Variants in SDAD1 observed in about 807,000 individuals in gnomAD.
SDAD1 encodes protein SDA1 homolog.
In SDAD1, 79 loss-of-function variants were observed where a neutral mutation model predicts 100.3. The observed-to-expected ratio is 0.79, with a 90% CI of 0.66 to 0.95. The LOEUF (loss-of-function observed/expected upper bound fraction) is 0.95. Ranked by LOEUF, SDAD1 falls within the 40% of genes least tolerant of loss-of-function variation. The probability of loss-of-function intolerance (pLI) is 0.00; values close to 1 mark genes in which losing one functional copy is unlikely to be tolerated. For synonymous variants in SDAD1, 267 were observed against 271.4 expected, an observed-to-expected ratio of 0.98 and a Z score of 0.16; for missense variants, 790 against 810.9, an observed-to-expected ratio of 0.97 and a Z score of 0.31.
At chr4:75,960,302 G>GCAAGACCCT in intron 16 of SDAD1, 110 bp from the exon 17 acceptor site, 1 of 1,045,726 alleles carries the variant, frequency 9.6e-7, no homozygotes, top group Non-Finnish European at 1.3e-6. Flanking sequence ...TTGAAGACAG[G>GCAAGACCCT]GTCTTGCTCT....
Position 75,990,903 on chromosome 4 carries a change from G to A in SDAD1, c.-62C>T. 2 of 1,594,726 alleles carry A rather than the reference G, an allele frequency of 1.3e-6. No individual in the cohort carries two copies. The highest frequency in any genetic ancestry group is 1.7e-6 in the Non-Finnish European group (2 of 1,164,704). ...AAAAAACTCAGACGGCCGGCACCCC[G>A]CAATCCCTGCCAGCTGCAGCTTGGA... is the stretch of plus-strand genomic sequence containing the variant. On this transcript the variant is annotated 5_prime_UTR_variant, in exon 1 of 22. Transcript: ENST00000356260.
chr4:75,986,806 T>G (rs1284705539), intron 1 of SDAD1, among the ~76,000 whole-genome samples: 1 of 152,166 alleles, frequency 6.6e-6, no homozygotes, highest in East Asian at 1.9e-4. Flanking sequence ...GCAGAAAGAT[T>G]GCATGGTTTC....
rs146413598 is a variant in SDAD1, at chr4:75,957,689, A to C, written c.1598T>G (p.Met533Arg). The C allele has an allele frequency of 3.9e-4, 633 of 1,614,208 alleles. 9 individuals carry two copies. In the South Asian group the frequency reaches 5.1e-3, roughly 13 times the overall value. ...QQEISKKLNSMPMEERKAKAA... is the reference protein window; with the variant it reads ...QQEISKKLNSRPMEERKAKAA... ...TTTGGCCTTCCGCTCCTCCATGGGC[A>C]TGCTGTTCAGCTTCTTGGACTTGAA... Residue 533 changes from methionine (M) to arginine (R), a missense_variant, in exon 19 of 22, where the codon ATG becomes AGG. By Grantham distance (91) the Met-to-Arg change is moderately conservative. Coordinates refer to ENST00000356260, the MANE Select transcript of SDAD1 (RefSeq NM_018115.4).
At position 75,980,773 on chromosome 4, in the gene SDAD1, T is replaced by A. The variant is rs532088497; in HGVS notation, c.294+599A>T. 2.0e-5 allele frequency: 3 copies of A among 153,606 alleles called. No individual in the cohort carries two copies. The South Asian group carries it at 6.1e-4, about 31-fold the overall frequency. 9.5% of individuals were successfully genotyped at this position (153,606 alleles called of 1,614,324 possible). On this transcript the variant is annotated intron_variant, in intron 3 of 21. Coordinates refer to ENST00000356260, the MANE Select transcript of SDAD1 (RefSeq NM_018115.4). ...TGGGCTACTAGGGTAGGAGGACACC[T>A]CCCAGGCACTAGGACTCCGATTTAG...
At chr4:75,973,447 A>C (rs1729980975) in intron 7 of SDAD1, 56 bp from the exon 8 acceptor site, 2 of 1,285,314 alleles carry the variant, frequency 1.6e-6, no homozygotes, top group African/African-American at 1.5e-5. Context: ...ATAAAGAATA[A>C]ATCCTTTTGA....
At chr4:75,990,601 C>T in intron 1 of SDAD1, 151 bp downstream of exon 1, 1 of 1,552,484 alleles carries the variant, frequency 6.4e-7, no homozygotes, top group Non-Finnish European at 8.8e-7. Context: ...CATGTCCCGT[C>T]CCCAACCCCT....
At chr4:75,961,737 T>C (rs560135569) in intron 14 of SDAD1, among the ~76,000 whole-genome samples, 32 of 152,336 alleles carry the variant, frequency 2.1e-4, no homozygotes, top group African/African-American at 7.7e-4. Context: ...ATTAAGTGTT[T>C]TTTAATCAAC....
At chr4:75,986,536 C>T (rs1377079823) in intron 1 of SDAD1, among the ~76,000 whole-genome samples, 1 of 152,166 alleles carries the variant, frequency 6.6e-6, no homozygotes, top group African/African-American at 2.4e-5. Flanking sequence ...ACTACAAAAG[C>T]TATCAGGCCA....
intron 6 of SDAD1, among the ~76,000 whole-genome samples, chr4:75,974,708 C>CA (rs1730060205): frequency 8.1e-6 from 1 of 123,724 alleles, no homozygotes; most frequent in Non-Finnish European, 1.8e-5. Context: ...GACTTTGTCT[C>CA]AAAAAAACAA....
At position 75,990,916 on chromosome 4, in the gene SDAD1, G is replaced by C. The variant is rs1192993657; in HGVS notation, c.-75C>G. On this transcript the variant is annotated 5_prime_UTR_variant, in exon 1 of 22. Transcript: ENST00000356260. The stretch of plus-strand genomic sequence containing the variant: ...GGCCGGCACCCCGCAATCCCTGCCA[G>C]CTGCAGCTTGGACTCGTGTTTCCGG... The C allele has an allele frequency of 3.8e-6, 6 of 1,571,606 alleles. No individual in the cohort carries two copies. The highest frequency in any genetic ancestry group is 2.2e-5 in the East Asian group (1 of 44,562).
intron 8 of SDAD1, among the ~76,000 whole-genome samples, chr4:75,971,939 A>AC (rs1729889790): frequency 7.2e-6 from 1 of 138,402 alleles, no homozygotes; most frequent in African/African-American, 2.7e-5. Context: ...CTGTAGCACT[A>AC]TTTTTTTTTT....
intron 20 of SDAD1, among the ~76,000 whole-genome samples, chr4:75,956,674 G>A (rs1728914731): frequency 6.6e-6 from 1 of 152,158 alleles, no homozygotes; most frequent in African/African-American, 2.4e-5. Flanking sequence ...GCTTTTCACT[G>A]GTGACTGTAA....
chr4:75,956,027 C>T lies in SDAD1; in HGVS notation c.1964G>A (p.Arg655Gln), dbSNP rs192135178. The change falls in exon 21 of 22, where the codon CGG becomes CAG. Residue 655 changes from arginine (R) to glutamine (Q), a missense_variant. Transcript: ENST00000356260. Reference sequence around the variant, plus strand: ...TTTTGACCGGACATTCTGGCTATACCGCATCATCATAAAGTTCTTCTGTTT... The same window carrying T: ...TTTTGACCGGACATTCTGGCTATACTGCATCATCATAAAGTTCTTCTGTTT... ...KKKQKNFMMM[R>Q]YSQNVRSKNK... The T allele has an allele frequency of 4.8e-5, 78 of 1,611,702 alleles. No homozygotes were observed. Among genetic ancestry groups the T allele is most frequent in the Non-Finnish European group, 6.1e-5 (72 of 1,179,478 alleles).
At chr4:75,963,241 A>G (rs750804025) in intron 14 of SDAD1, among the ~76,000 whole-genome samples, 21 of 136,496 alleles carry the variant, frequency 1.5e-4, no homozygotes, top group Middle Eastern at 3.7e-3. Context: ...GTTCTGTTCC[A>G]TTGGTCTCTA....
At chr4:75,955,489 G>C (rs1281420608) in intron 21 of SDAD1, among the ~76,000 whole-genome samples, 3 of 152,166 alleles carry the variant, frequency 2.0e-5, no homozygotes, top group African/African-American at 4.8e-5. Flanking sequence ...GGAGGTCGAG[G>C]CTGCAGTGAG....
chr4:75,970,182 A>T, intron 10 of SDAD1, 127 bp downstream of exon 10: 1 of 717,368 alleles, frequency 1.4e-6, no homozygotes, highest in South Asian at 1.9e-5. Flanking sequence ...CCAACTAGTA[A>T]CAACTAAGCA....
intron 14 of SDAD1, among the ~76,000 whole-genome samples, chr4:75,961,740 T>A (rs1037195931): frequency 2.0e-5 from 3 of 152,210 alleles, no homozygotes; most frequent in Admixed American, 2.0e-4. Flanking sequence ...AAGTGTTTTT[T>A]AATCAACCAA....
chr4:75,981,364 G>C lies in SDAD1; in HGVS notation c.294+8C>G, dbSNP rs185632497. The stretch of plus-strand genomic sequence containing the variant: ...AGCACAATTTATTCATCCAACTACT[G>C]GTCCTACCATTCGCAGATCTGGATC... On this transcript the variant is annotated splice_region_variant and intron_variant, in intron 3 of 21. Coordinates refer to ENST00000356260, the MANE Select transcript of SDAD1 (RefSeq NM_018115.4). The C allele has an allele frequency of 6.2e-7, 1 of 1,612,856 alleles. No individual in the cohort carries two copies. Among genetic ancestry groups the C allele is most frequent in the African/African-American group, 1.3e-5 (1 of 74,874 alleles).
Position 75,989,782 on chromosome 4 carries a change from C to T in SDAD1, c.90+970G>A, listed in dbSNP as rs918882477. Among the ~76,000 whole-genome samples the T allele has an allele frequency of 5.9e-5, 9 of 152,156 alleles. 1 individual carries two copies. Among genetic ancestry groups the T allele is most frequent in the Admixed American group, 5.2e-4 (8 of 15,274 alleles). On this transcript the variant is annotated intron_variant, in intron 1 of 21. Coordinates refer to ENST00000356260, the MANE Select transcript of SDAD1 (RefSeq NM_018115.4). ...ACTCTTTATTTCCACTACCTTGATC[C>T]TTGGAGAGGCTTTCTCTACTGGTGA...
Sources: gnomAD v4.1 joint callset for allele counts (sites outside exome capture counted in the v4.1 genomes callset) on GRCh38, gnomAD v4.1.1 for gene constraint, MANE v1.5 for transcripts, NCBI Gene and HGNC (gene_info 2026-07-23, HGNC 2026-07-21) for gene names.